Variants in SOBP observed in about 807,000 individuals in gnomAD.
SOBP encodes sine oculis binding protein homolog, also known as sine oculis-binding protein homolog.
In SOBP, 4 loss-of-function variants were observed where a neutral mutation model predicts 53.6. The ratio of observed to expected loss-of-function variants is 0.07; its 90% CI spans 0.04 to 0.17. The LOEUF (loss-of-function observed/expected upper bound fraction) is 0.17, where lower values mean the gene tolerates loss of function less well. Among genes scored for constraint, SOBP ranks in the 10% least tolerant of loss-of-function variants. SOBP has a pLI of 1.00. For synonymous variants in SOBP, 584 were observed against 522.6 expected (o/e 1.12, Z -1.60); for missense variants, 1,088 against 1,204.7 (o/e 0.90, Z 1.43).
rs112138381 is a variant in SOBP, at chr6:107,568,502, A to G, written c.574-18578A>G. Among the ~76,000 whole-genome samples the G allele has an allele frequency of 3.4e-3, 515 of 152,254 alleles. 4 individuals are homozygous for G. Among genetic ancestry groups the G allele is most frequent in the African/African-American group, 0.012 (488 of 41,540 alleles). The stretch of plus-strand genomic sequence containing the variant: ...GTATATGATTCTGAATAGCATGGAA[A>G]CTAGATCACAGGTTCTACACACAGA... On this transcript the variant is annotated intron_variant, in intron 4 of 6. Transcript: ENST00000317357.
chr6:107,506,100 G>T, intron 2 of SOBP, 142 bp from the exon 3 acceptor site: 1 of 716,264 alleles, frequency 1.4e-6, no homozygotes. Context: ...GATGAACTGT[G>T]GAGTTCTAGT....
At position 107,634,163 on chromosome 6, in the gene SOBP, G is replaced by T. The variant is rs1307847219; in HGVS notation, c.1319G>T (p.Gly440Val). The T allele has an allele frequency of 1.2e-6, 2 of 1,610,852 alleles. No homozygotes were observed. The highest frequency in any genetic ancestry group is 1.7e-5 in the Admixed American group (1 of 59,940). Reference protein sequence around the residue: ...MLPGIGPPPGGPRNLGPTSSP... With the variant: ...MLPGIGPPPGVPRNLGPTSSP... ...CCCGGCATCGGGCCCCCGCCCGGTG[G>T]CCCCAGAAACCTGGGCCCCACTTCC... Residue 440 changes from glycine (G) to valine (V), a missense_variant, in exon 6 of 7, where the codon GGC becomes GTC. Gly to Val is a moderately radical substitution (Grantham distance 109). This residue lies in a region of SOBP where 211 missense variants were observed against 258.9 expected (regional missense o/e 0.82). Coordinates refer to ENST00000317357, the MANE Select transcript of SOBP (RefSeq NM_018013.4). The surrounding 1 kb of genome is among the most constrained non-coding windows in gnomAD (Gnocchi z 4.5).
At chr6:107,649,629 T>C (rs1317350240) in intron 6 of SOBP, among the ~76,000 whole-genome samples, 1 of 151,780 alleles carries the variant, frequency 6.6e-6, no homozygotes, top group Non-Finnish European at 1.5e-5. Flanking sequence ...TTTTTCTTTT[T>C]TGGGAGTGAA....
intron 4 of SOBP, among the ~76,000 whole-genome samples, chr6:107,539,340 G>A (rs1784088167): frequency 6.6e-6 from 1 of 152,194 alleles, no homozygotes; most frequent in South Asian, 2.1e-4. Flanking sequence ...CCCAGTCTGT[G>A]TTCAACATTT....
intron 5 of SOBP, among the ~76,000 whole-genome samples, chr6:107,625,531 G>A (rs1379399958): frequency 6.6e-6 from 1 of 152,204 alleles, no homozygotes; most frequent in African/African-American, 2.4e-5. Context: ...TGGACACAAT[G>A]AGGGATTATC....
intron 4 of SOBP, among the ~76,000 whole-genome samples, chr6:107,550,171 C>T (rs1784423264): frequency 6.6e-6 from 1 of 152,198 alleles, no homozygotes; most frequent in African/African-American, 2.4e-5. Flanking sequence ...GACCAGGATA[C>T]TGGAATAGTG....
intron 3 of SOBP, among the ~76,000 whole-genome samples, chr6:107,513,353 A>G (rs1256021257): frequency 6.6e-6 from 1 of 152,196 alleles, no homozygotes; most frequent in Non-Finnish European, 1.5e-5. Context: ...CTAAGGAACC[A>G]TTAGCTTAAC....
intron 4 of SOBP, among the ~76,000 whole-genome samples, chr6:107,585,425 G>A (rs896943795): frequency 6.6e-6 from 1 of 152,154 alleles, no homozygotes; most frequent in Non-Finnish European, 1.5e-5. Context: ...ACCCATTTGA[G>A]CTATATTAAT....
chr6:107,655,662 A>G (rs1235532322), intron 6 of SOBP, among the ~76,000 whole-genome samples: 1 of 152,234 alleles, frequency 6.6e-6, no homozygotes, highest in Admixed American at 6.5e-5. Flanking sequence ...AGACAATAAT[A>G]GATACCAGAG....
At chr6:107,651,646 A>C (rs1771806304) in intron 6 of SOBP, among the ~76,000 whole-genome samples, 1 of 152,246 alleles carries the variant, frequency 6.6e-6, no homozygotes, top group Admixed American at 6.5e-5. Context: ...ATAGATTTTC[A>C]ATATAGATAA....
chr6:107,599,628 G>T (rs1583256356), intron 5 of SOBP, among the ~76,000 whole-genome samples: 3 of 148,424 alleles, frequency 2.0e-5, no homozygotes, highest in Admixed American at 6.7e-5. Flanking sequence ...AAAAAAGGTT[G>T]CTAGCTCCCA....
At chr6:107,585,667 GA>G (rs1785542712) in intron 4 of SOBP, among the ~76,000 whole-genome samples, 1 of 152,192 alleles carries the variant, frequency 6.6e-6, no homozygotes, top group Non-Finnish European at 1.5e-5. Flanking sequence ...AACCAAAAGA[GA>G]GCAATCTCTT....
intron 6 of SOBP, among the ~76,000 whole-genome samples, chr6:107,638,431 G>A (rs2115157345): frequency 6.6e-6 from 1 of 152,140 alleles, no homozygotes; most frequent in South Asian, 2.1e-4. Context: ...GGCTGGTCTC[G>A]AACTCCTGAC....
In SOBP at chr6:107,503,675, A is replaced by G. The variant is rs1368450363; in HGVS notation, c.115A>G (p.Met39Val). 1.2e-6 allele frequency: 2 copies of G among 1,614,090 alleles called. No homozygotes were observed. Among genetic ancestry groups the G allele is most frequent in the African/African-American group, 2.7e-5 (2 of 74,932 alleles). Residue 39 changes from methionine (M) to valine (V), a missense_variant, in exon 2 of 7, where the codon ATG (methionine) becomes GTG (valine). By Grantham distance (21) the Met-to-Val change is conservative. Around this residue, in one of 6 missense-constraint regions of SOBP, gnomAD observed 8 missense variants for 26.2 expected, o/e 0.30. Coordinates refer to ENST00000317357, the MANE Select transcript of SOBP (RefSeq NM_018013.4). ...EEMKNFAENT[M>V]NELLGWYGYD... ...CTTTCAGAACTTTGCAGAAAACACC[A>G]TGAATGAACTCCTTGGCTGGTATGG... is the stretch of plus-strand genomic sequence containing the variant.
At chr6:107,501,154 T>A (rs1562574213) in intron 1 of SOBP, among the ~76,000 whole-genome samples, 1 of 152,236 alleles carries the variant, frequency 6.6e-6, no homozygotes, top group Non-Finnish European at 1.5e-5. Context: ...TCATATTGAT[T>A]GTTCCATGAA....
chr6:107,493,240 G>C (rs1257253412), intron 1 of SOBP, among the ~76,000 whole-genome samples: 3 of 151,710 alleles, frequency 2.0e-5, no homozygotes, highest in African/African-American at 7.3e-5. Flanking sequence ...CGCTGGAGCT[G>C]CCTGGCTGTG....
intron 1 of SOBP, among the ~76,000 whole-genome samples, chr6:107,502,038 G>A (rs1782855298): frequency 6.6e-6 from 1 of 152,110 alleles, no homozygotes; most frequent in Non-Finnish European, 1.5e-5. Context: ...TTGGAGTTCA[G>A]AGCTTACGTG....
intron 5 of SOBP, among the ~76,000 whole-genome samples, chr6:107,628,395 T>TGTGAG (rs1583288079): frequency 1.3e-5 from 2 of 152,132 alleles, no homozygotes; most frequent in East Asian, 3.9e-4. Context: ...GGCTGGTATC[T>TGTGAG]GTGAGGTGTA....
chr6:107,528,709 T>C (rs1783736046), intron 3 of SOBP, among the ~76,000 whole-genome samples: 1 of 152,236 alleles, frequency 6.6e-6, no homozygotes, highest in Non-Finnish European at 1.5e-5. Flanking sequence ...CTGAGCAATG[T>C]GCTGTGTAAG....
Sources: allele counts gnomAD v4.1 joint callset (sites outside exome capture counted in the v4.1 genomes callset), GRCh38; gene constraint gnomAD v4.1.1; regional missense constraint gnomAD v4.1.1; non-coding constraint Gnocchi (gnomAD v3.1); transcripts MANE v1.5; gene names NCBI Gene and HGNC (gene_info 2026-07-23, HGNC 2026-07-21).